NCALD: variants seen among roughly 807,000 people sequenced by gnomAD.
The protein encoded by NCALD is neurocalcin delta.
In NCALD, 10 loss-of-function variants were observed where a neutral mutation model predicts 18.6. The observed-to-expected ratio is 0.54, with a 90% CI of 0.33 to 0.91. The LOEUF is 0.91. Among genes scored for constraint, NCALD ranks in the 40% least tolerant of loss-of-function variants. NCALD has a pLI of 0.03. For missense variants in NCALD, 184 were observed against 247.6 expected, an observed-to-expected ratio of 0.74 and a Z score of 1.72; for synonymous variants, 88 against 87.4, an observed-to-expected ratio of 1.01 and a Z score of -0.04.
At chr8:101,987,682 T>C (rs573885629) in intron 2 of NCALD, among the ~76,000 whole-genome samples, 1 of 152,262 alleles carries the variant, frequency 6.6e-6, no homozygotes, top group Admixed American at 6.5e-5. Context: ...CACATCCATT[T>C]TACTAGATGG....
At chr8:101,865,103 T>G (rs985730738) in intron 4 of NCALD, among the ~76,000 whole-genome samples, 2 of 152,200 alleles carry the variant, frequency 1.3e-5, no homozygotes, top group African/African-American at 4.8e-5. Context: ...TGGACAGACA[T>G]GCACACATGC....
intron 4 of NCALD, among the ~76,000 whole-genome samples, chr8:101,833,680 G>A (rs570503675): frequency 1.6e-5 from 2 of 127,574 alleles, no homozygotes; most frequent in Non-Finnish European, 3.1e-5. Flanking sequence ...TAACCCCCCA[G>A]CTCGGATATC....
At chr8:102,056,231 C>G (rs1011556662) in intron 1 of NCALD, among the ~76,000 whole-genome samples, 1 of 152,158 alleles carries the variant, frequency 6.6e-6, no homozygotes, top group Non-Finnish European at 1.5e-5. Flanking sequence ...CTAGTAAGAA[C>G]AATGGGGCTT....
chr8:102,037,777 C>A (rs538516010), intron 1 of NCALD, among the ~76,000 whole-genome samples: 11 of 152,048 alleles, frequency 7.2e-5, no homozygotes, highest in Admixed American at 4.6e-4. Flanking sequence ...CTTAGCATGC[C>A]CATCTAGGAA....
chr8:101,918,383 G>A (rs1282888882), intron 2 of NCALD, among the ~76,000 whole-genome samples: 1 of 151,880 alleles, frequency 6.6e-6, no homozygotes, highest in Non-Finnish European at 1.5e-5. Context: ...CATACTGAAG[G>A]GGCAAAAACT....
intron 1 of NCALD, among the ~76,000 whole-genome samples, chr8:102,046,888 A>C (rs537846287): frequency 6.4e-4 from 97 of 151,050 alleles, no homozygotes; most frequent in African/African-American, 2.3e-3. Flanking sequence ...TCATGTCCTG[A>C]GGGTCTGTTG....
In NCALD at chr8:101,826,118, A is replaced by G. The variant is rs1299489029; in HGVS notation, c.-20+61023T>C. Among the ~76,000 whole-genome samples the G allele has an allele frequency of 2.6e-5, 4 of 152,194 alleles. No individual in the cohort carries two copies. The East Asian group carries it at 7.7e-4, about 29-fold the overall frequency. ...TGAGTCACAGTGATACAATATTGCC[A>G]TGGTTCATAGGTTCCATGAGTAGCT... On this transcript the variant is annotated intron_variant, in intron 4 of 6. Transcript: ENST00000311028.
intron 1 of NCALD, among the ~76,000 whole-genome samples, chr8:101,775,178 C>T (rs1026985566): frequency 9.2e-5 from 14 of 152,162 alleles, no homozygotes; most frequent in African/African-American, 1.9e-4. Context: ...ACATTGGGCT[C>T]GGAGTACAGA....
chr8:101,956,158 CAT>C (rs1157836726), intron 2 of NCALD, among the ~76,000 whole-genome samples: 5 of 152,130 alleles, frequency 3.3e-5, no homozygotes, highest in Non-Finnish European at 5.9e-5. Flanking sequence ...ATGAATAAAT[CAT>C]GGATGTAAAA....
intron 2 of NCALD, among the ~76,000 whole-genome samples, chr8:101,932,207 C>A (rs553192375): frequency 2.8e-4 from 42 of 152,188 alleles, no homozygotes; most frequent in Admixed American, 8.5e-4. Flanking sequence ...CCCTCCCCTG[C>A]CACAGGGACT....
intron 2 of NCALD, among the ~76,000 whole-genome samples, chr8:101,713,579 T>TA (rs1815918971): frequency 6.6e-6 from 1 of 151,746 alleles, no homozygotes; most frequent in Non-Finnish European, 1.5e-5. Flanking sequence ...ATTGACACAA[T>TA]AAAAAATGAT....
chr8:101,746,875 T>G (rs1810447012), intron 1 of NCALD, among the ~76,000 whole-genome samples: 1 of 152,166 alleles, frequency 6.6e-6, no homozygotes. Context: ...CAAAAAGATG[T>G]CATATCTGGG....
At chr8:101,932,696 C>T (rs574540832) in intron 2 of NCALD, among the ~76,000 whole-genome samples, 93 of 152,304 alleles carry the variant, frequency 6.1e-4, no homozygotes, top group Non-Finnish European at 1.0e-3. Flanking sequence ...AGCTGCCTCA[C>T]ATCTCCATTA....
intron 2 of NCALD, among the ~76,000 whole-genome samples, chr8:102,003,830 C>T (rs534215870): frequency 6.6e-6 from 1 of 152,092 alleles, no homozygotes; most frequent in Admixed American, 6.5e-5. Flanking sequence ...ATTCAACAAC[C>T]CTTCATGCTA....
intron 4 of NCALD, among the ~76,000 whole-genome samples, chr8:101,825,921 G>A (rs371222049): frequency 4.6e-5 from 7 of 152,234 alleles, no homozygotes; most frequent in African/African-American, 1.4e-4. Flanking sequence ...GCTGGATTTC[G>A]CCCACAGGCC....
intron 4 of NCALD, among the ~76,000 whole-genome samples, chr8:101,875,512 T>C (rs1202267385): frequency 1.3e-5 from 2 of 152,246 alleles, no homozygotes; most frequent in Non-Finnish European, 2.9e-5. Context: ...GATATCTCGA[T>C]GGTTTTTGCT....
At chr8:102,107,401 A>G (rs1384339989) in intron 1 of NCALD, among the ~76,000 whole-genome samples, 1 of 151,970 alleles carries the variant, frequency 6.6e-6, no homozygotes, top group Non-Finnish European at 1.5e-5. Flanking sequence ...TCTAAAAGGC[A>G]ATAATCAAGG....
intron 2 of NCALD, among the ~76,000 whole-genome samples, chr8:101,983,447 T>A (rs1011255995): frequency 2.6e-5 from 4 of 152,210 alleles, no homozygotes; most frequent in African/African-American, 7.2e-5. Flanking sequence ...CCAGAGCTAA[T>A]GATATTTTGG....
intron 1 of NCALD, among the ~76,000 whole-genome samples, chr8:102,051,790 T>C (rs542656867): frequency 6.6e-6 from 1 of 152,334 alleles, no homozygotes; most frequent in South Asian, 2.1e-4. Flanking sequence ...CAGTGTGCCA[T>C]GCAAAATCCA....
Sources: gnomAD v4.1 joint callset for allele counts (sites outside exome capture counted in the v4.1 genomes callset) on GRCh38, gnomAD v4.1.1 for gene constraint, MANE v1.5 for transcripts, NCBI Gene and HGNC (gene_info 2026-07-23, HGNC 2026-07-21) for gene names.